SLC39A10: variants seen among roughly 807,000 people sequenced by gnomAD.
SLC39A10 encodes solute carrier family 39 member 10, also known as zinc transporter ZIP10.
A neutral mutation model predicts 65.1 loss-of-function variants in SLC39A10; 13 were observed. The observed-to-expected ratio is 0.20, with a 90% confidence interval of 0.13 to 0.32. The LOEUF is 0.32. SLC39A10 is among the 10% of genes least tolerant of loss of function. The pLI, the probability that SLC39A10 is intolerant of heterozygous loss-of-function variation, is 1.00. For missense variants in SLC39A10, 831 were observed against 1,018.4 expected, an observed-to-expected ratio of 0.82 and a Z score of 2.50; for synonymous variants, 321 against 342.2, an observed-to-expected ratio of 0.94 and a Z score of 0.68.
intron 1 of SLC39A10, among the ~76,000 whole-genome samples, chr2:195,666,364 T>C (rs1247355759): frequency 2.0e-5 from 3 of 152,100 alleles, no homozygotes; most frequent in Non-Finnish European, 4.4e-5. Context: ...CAAGGATGTA[T>C]AACAGTGACA....
intron 2 of SLC39A10, among the ~76,000 whole-genome samples, chr2:195,636,004 CA>C (rs745524021): frequency 7.2e-5 from 11 of 152,048 alleles, no homozygotes; most frequent in Non-Finnish European, 1.6e-4. Context: ...CATACTAGGC[CA>C]AAAGATCTAA....
chr2:195,684,118 A>C (rs1363778949), intron 3 of SLC39A10, among the ~76,000 whole-genome samples: 1 of 152,064 alleles, frequency 6.6e-6, no homozygotes, highest in Non-Finnish European at 1.5e-5. Context: ...GGTATATTAC[A>C]AAGGGATATT....
chr2:195,668,265 C>A (rs1173472315), intron 1 of SLC39A10, among the ~76,000 whole-genome samples: 3 of 152,116 alleles, frequency 2.0e-5, no homozygotes, highest in African/African-American at 7.2e-5. Flanking sequence ...ATGATTGAGG[C>A]TATAAAACTG....
At chr2:195,695,523 C>T (rs917296119) in intron 3 of SLC39A10, among the ~76,000 whole-genome samples, 2 of 152,198 alleles carry the variant, frequency 1.3e-5, no homozygotes, top group Non-Finnish European at 2.9e-5. Context: ...TGCCCGAGAT[C>T]ACCAGCCTCC....
At chr2:195,671,295 C>G (rs1197846290) in intron 1 of SLC39A10, among the ~76,000 whole-genome samples, 1 of 152,140 alleles carries the variant, frequency 6.6e-6, no homozygotes, top group Non-Finnish European at 1.5e-5. Flanking sequence ...TGATAGAATA[C>G]TTAGGCTTTT....
intron 1 of SLC39A10, chr2:195,674,618 T>C (rs1381910668): frequency 6.1e-6 from 6 of 984,782 alleles, no homozygotes; most frequent in Non-Finnish European, 7.2e-6. Context: ...AGGCCTCTTA[T>C]TCCCCCATGT....
intron 3 of SLC39A10, among the ~76,000 whole-genome samples, chr2:195,705,361 A>G (rs1389779371): frequency 6.6e-6 from 1 of 152,222 alleles, no homozygotes; most frequent in Non-Finnish European, 1.5e-5. Context: ...CAGAGCTTCT[A>G]TTAGTGATAG....
intron 2 of SLC39A10, among the ~76,000 whole-genome samples, chr2:195,631,649 G>C (rs888245165): frequency 3.9e-5 from 6 of 151,956 alleles, no homozygotes; most frequent in Non-Finnish European, 8.8e-5. Context: ...CCATTCTGAG[G>C]TAGAAAGCAA....
intron 2 of SLC39A10, among the ~76,000 whole-genome samples, chr2:195,635,708 C>CACT (rs375322395): frequency 7.1e-6 from 1 of 141,816 alleles, no homozygotes; most frequent in African/African-American, 2.6e-5. Context: ...ACCCCCCCCA[C>CACT]TTTTTTTTTT....
At chr2:195,628,858 T>C (rs1405680889) in intron 2 of SLC39A10, among the ~76,000 whole-genome samples, 1 of 152,244 alleles carries the variant, frequency 6.6e-6, no homozygotes, top group East Asian at 1.9e-4. Flanking sequence ...TCTAAAATGC[T>C]GACAATTCCA....
chr2:195,665,938 G>A (rs1316720092), intron 1 of SLC39A10, among the ~76,000 whole-genome samples: 3 of 151,818 alleles, frequency 2.0e-5, no homozygotes, highest in African/African-American at 7.3e-5. Flanking sequence ...CAGTAATTGG[G>A]GTTACATTTT....
At chr2:195,646,454 A>T (rs541812456) in intron 2 of SLC39A10, among the ~76,000 whole-genome samples, 2 of 152,292 alleles carry the variant, frequency 1.3e-5, no homozygotes, top group Admixed American at 1.3e-4. Context: ...AAACAATACA[A>T]ATTTGTTATG....
Position 195,716,620 on chromosome 2 carries a change from C to A in SLC39A10, c.1697-17C>A. ...CATTTAATTATTGATAAAGCATATC[C>A]TTTGCTATAAATACAGGAACTGATG... On this transcript the variant is annotated splice_polypyrimidine_tract_variant and intron_variant, in intron 6 of 9. Transcript: ENST00000359634. The A allele has an allele frequency of 1.3e-6, 2 of 1,570,640 alleles. No individual in the cohort carries two copies. Among genetic ancestry groups the A allele is most frequent in the South Asian group, 2.5e-5 (2 of 81,072 alleles).
At chr2:195,640,340 G>GAA (rs3049392) in intron 2 of SLC39A10, among the ~76,000 whole-genome samples, 14 of 126,324 alleles carry the variant, frequency 1.1e-4, no homozygotes, top group South Asian at 4.9e-4. Context: ...AGCATTAAAA[G>GAA]AAAAAAAAAA....
intron 1 of SLC39A10, among the ~76,000 whole-genome samples, chr2:195,668,312 T>G (rs568700660): frequency 6.6e-6 from 1 of 152,264 alleles, no homozygotes; most frequent in Non-Finnish European, 1.5e-5. Flanking sequence ...AATGAAACTT[T>G]TAAAAAATGA....
chr2:195,658,599 AG>A (rs1407763663), intron 1 of SLC39A10: 1 of 152,248 alleles, frequency 6.6e-6, no homozygotes, highest in Non-Finnish European at 1.5e-5. Context: ...GTAATGGAAA[AG>A]CTGGAGATGT....
chr2:195,681,229 G>A (rs1204076463), intron 2 of SLC39A10, among the ~76,000 whole-genome samples, 179 bp downstream of exon 2: 1 of 152,148 alleles, frequency 6.6e-6, no homozygotes, highest in Non-Finnish European at 1.5e-5. Flanking sequence ...CAGAATCAGT[G>A]TAAAGATTTT....
upstream of SLC39A10, chr2:195,656,793 C>T (rs1357155904): frequency 1.3e-5 from 2 of 152,348 alleles, no homozygotes; most frequent in East Asian, 1.9e-4. Flanking sequence ...GGGTTTAGAG[C>T]TTCCATTACT....
chr2:195,696,612 C>A (rs1690971494), intron 3 of SLC39A10, among the ~76,000 whole-genome samples: 1 of 152,020 alleles, frequency 6.6e-6, no homozygotes, highest in African/African-American at 2.4e-5. Flanking sequence ...GGGGGATTAG[C>A]AGTGCTAATC....
Sources: allele counts gnomAD v4.1 joint callset (sites outside exome capture counted in the v4.1 genomes callset), GRCh38; gene constraint gnomAD v4.1.1; transcripts MANE v1.5; gene names NCBI Gene and HGNC (gene_info 2026-07-23, HGNC 2026-07-21).